Variants in FSCN1 observed in about 807,000 individuals in gnomAD.
FSCN1 encodes fascin.
A neutral mutation model predicts 39.7 loss-of-function variants in FSCN1; 10 were observed. That is an observed-to-expected ratio of 0.25 (90% CI 0.16 to 0.43). The LOEUF is 0.43. Among genes scored for constraint, FSCN1 ranks in the 20% least tolerant of loss-of-function variants. FSCN1 has a pLI of 1.00. For missense variants in FSCN1, 525 were observed against 723.8 expected (o/e 0.73, Z 3.15); for synonymous variants, 322 against 320.0 (o/e 1.01, Z -0.07).
Position 5,605,296 on chromosome 7 carries a change from T to G in FSCN1, c.1304T>G (p.Val435Gly). ...IKDSTGKYWTVGSDSAVTSSG... is the reference protein window; with the variant it reads ...IKDSTGKYWTGGSDSAVTSSG... ...GACTCCACAGGCAAATACTGGACGG[T>G]GGGCAGTGACTCCGCGGTCACCAGC... Residue 435 changes from valine to glycine, a missense_variant, in exon 5 of 5, where the codon GTG (valine) becomes GGG (glycine). By Grantham distance (109) the Val-to-Gly change is moderately radical. This residue lies in a region of FSCN1 where 275 missense variants were observed against 351.9 expected (regional missense o/e 0.78). Coordinates refer to ENST00000382361, the MANE Select transcript of FSCN1 (RefSeq NM_003088.4). This position sits in a 1 kb window ranked among gnomAD's most constrained non-coding sequence, Gnocchi z 6.9. The G allele has an allele frequency of 6.2e-7, 1 of 1,613,608 alleles. No individual in the cohort carries two copies. Among genetic ancestry groups the G allele is most frequent in the Non-Finnish European group, 8.5e-7 (1 of 1,179,632 alleles).
chr7:5,604,137 C>CA, intron 4 of FSCN1, 107 bp downstream of exon 4: 1 of 1,075,950 alleles, frequency 9.3e-7, no homozygotes. Flanking sequence ...TGGCTTGGCT[C>CA]AGGGCCATTC....
chr7:5,593,743 C>T lies in FSCN1; in HGVS notation c.807C>T (p.Asn269=), dbSNP rs1339205446. Residue 269 remains asparagine (N), a synonymous_variant, in exon 1 of 5, where the codon AAC becomes AAT. Coordinates refer to ENST00000382361, the MANE Select transcript of FSCN1 (RefSeq NM_003088.4). ...SCAQVVLQAA[N]ERNVSTRQGM... Reference sequence around the variant, plus strand: ...CCCAGGTCGTGCTGCAGGCGGCCAACGAGAGGAACGTGTCCACGCGCCAGG... The same window carrying T: ...CCCAGGTCGTGCTGCAGGCGGCCAATGAGAGGAACGTGTCCACGCGCCAGG... 1.0e-5 allele frequency: 16 copies of T among 1,587,772 alleles called. No homozygotes were observed. Among genetic ancestry groups the T allele is most frequent in the Non-Finnish European group, 1.4e-5 (16 of 1,173,942 alleles).
rs936286568 is a variant in FSCN1 at position 5,605,619 on chromosome 7, C to A, written c.*145C>A. Reference sequence around the variant, plus strand: ...GGAAACCCCAGAGAAAACGGTGCCCCCACCTGTCGCCCCTATGGACTCCCC... The same window carrying A: ...GGAAACCCCAGAGAAAACGGTGCCCACACCTGTCGCCCCTATGGACTCCCC... On this transcript the variant is annotated 3_prime_UTR_variant, in exon 5 of 5. Coordinates refer to ENST00000382361, the MANE Select transcript of FSCN1 (RefSeq NM_003088.4). The surrounding 1 kb of genome is among the most constrained non-coding windows in gnomAD (Gnocchi z 6.9). 7.8e-6 allele frequency: 5 copies of A among 640,698 alleles called. No homozygotes were observed. The African/African-American group carries it at 9.2e-5, about 12-fold the overall frequency. The allele number at this position is 640,698 out of a possible 1,614,324, so 39.7% of individuals were successfully genotyped here.
intron 1 of FSCN1, chr7:5,594,901 G>A (rs1213251632): frequency 6.6e-6 from 1 of 152,280 alleles, no homozygotes; most frequent in Non-Finnish European, 1.5e-5. Context: ...CTGCAGGCAC[G>A]GCTATTTGCG....
intron 4 of FSCN1, 38 bp downstream of exon 4, chr7:5,604,068 C>T: frequency 6.3e-7 from 1 of 1,599,236 alleles, no homozygotes; most frequent in East Asian, 2.2e-5. Flanking sequence ...GCAGGGAACC[C>T]CTCGGTCGGG....
intron 1 of FSCN1, among the ~76,000 whole-genome samples, chr7:5,600,601 C>CCT: frequency 6.6e-6 from 1 of 151,132 alleles, no homozygotes. Flanking sequence ...AAGCAATTCT[C>CCT]CTGCGTCAGC....
rs1424956755 is a variant in FSCN1, at chr7:5,593,186, G to A, written c.250G>A (p.Val84Met). The A allele has an allele frequency of 1.2e-6, 2 of 1,602,520 alleles. No individual in the cohort carries two copies. The highest frequency in any genetic ancestry group is 1.7e-6 in the Non-Finnish European group (2 of 1,175,972). The change falls in exon 1 of 5, where the codon GTG (valine) becomes ATG (methionine). Residue 84 changes from valine (V) to methionine (M), a missense_variant. Transcript: ENST00000382361. ...CGGCAACGTGACCTGCGAGCGCGAGGTGCCCGGTCCCGACTGCCGTTTCCT... is the reference window on the plus strand; with the variant it reads ...CGGCAACGTGACCTGCGAGCGCGAGATGCCCGGTCCCGACTGCCGTTTCCT... The part of the protein sequence containing the change: ...KDGNVTCERE[V>M]PGPDCRFLIV...
intron 1 of FSCN1, among the ~76,000 whole-genome samples, chr7:5,602,237 A>C (rs1394054428): frequency 6.7e-6 from 1 of 148,980 alleles, no homozygotes; most frequent in South Asian, 2.1e-4. Context: ...GGGTCTTGCT[A>C]AGTTGTCCAG....
rs1366797793 is a variant in FSCN1, at chr7:5,594,367, G to C, written c.832+599G>C. On this transcript the variant is annotated intron_variant, in intron 1 of 4. Transcript: ENST00000382361. ...CGGGGTCGGCCTCCGCTGGTGGGGG[G>C]GGGCGCGGGGTGTCAGCCCTTCCCC... 2.0e-5 allele frequency among the ~76,000 whole-genome samples: 3 copies of C among 152,030 alleles called. No homozygotes were observed. The East Asian group carries it at 5.8e-4, about 30-fold the overall frequency.
At position 5,599,534 on chromosome 7, in the gene FSCN1, G is replaced by A. The variant is rs1380077524; in HGVS notation, c.833-3723G>A. 3.3e-5 allele frequency among the ~76,000 whole-genome samples: 5 copies of A among 152,308 alleles called. No homozygotes were observed. The highest frequency in any genetic ancestry group is 9.6e-5 in the African/African-American group (4 of 41,564). On this transcript the variant is annotated intron_variant, in intron 1 of 4. Coordinates refer to ENST00000382361, the MANE Select transcript of FSCN1 (RefSeq NM_003088.4). The surrounding 1 kb of genome is among the most constrained non-coding windows in gnomAD (Gnocchi z 5.6). Reference sequence around the variant, plus strand: ...CAGGATGGAACAGGATGGGGAGGCCGGGCGTGGTGGCTTACCCCTGTAATC... The same window carrying A: ...CAGGATGGAACAGGATGGGGAGGCCAGGCGTGGTGGCTTACCCCTGTAATC...
At chr7:5,598,163 C>A (rs867090241) in intron 1 of FSCN1, among the ~76,000 whole-genome samples, 2 of 152,166 alleles carry the variant, frequency 1.3e-5, no homozygotes. Flanking sequence ...AGAGGCTGGG[C>A]CCTTTTGACA....
At chr7:5,593,895 C>G (rs1584297175) in intron 1 of FSCN1, 127 bp downstream of exon 1, 2 of 669,092 alleles carry the variant, frequency 3.0e-6, no homozygotes, top group Non-Finnish European at 4.8e-6. Context: ...CCCATTGCGC[C>G]CCCGCTAGGC....
At chr7:5,596,544 C>T (rs147128084) in intron 1 of FSCN1, among the ~76,000 whole-genome samples, 2 of 152,320 alleles carry the variant, frequency 1.3e-5, no homozygotes, top group African/African-American at 4.8e-5. Context: ...GGATCCACAC[C>T]TACCCTGGCC....
Position 5,603,073 on chromosome 7 carries a change from C to T in FSCN1, c.833-184C>T. ...AGATGTAGCTTGCCTTGGCCTCTGA[C>T]CGGCCCTGCCTGCGTTCCTGGGTGC... On this transcript the variant is annotated intron_variant, in intron 1 of 4. Coordinates refer to ENST00000382361, the MANE Select transcript of FSCN1 (RefSeq NM_003088.4). The surrounding 1 kb of genome is among the most constrained non-coding windows in gnomAD (Gnocchi z 8.5). 1.6e-6 allele frequency: 1 copy of T among 641,104 alleles called. No homozygotes were observed. Among genetic ancestry groups the T allele is most frequent in the East Asian group, 2.7e-5 (1 of 37,210 alleles). The allele number at this position is 641,104 out of a possible 1,614,324, so 39.7% of individuals were successfully genotyped here. A position where few individuals can be genotyped will look rare whatever the true frequency, so the allele number is the denominator to read the frequency against.
At chr7:5,600,746 C>T (rs1443993126) in intron 1 of FSCN1, among the ~76,000 whole-genome samples, 7 of 150,834 alleles carry the variant, frequency 4.6e-5, no homozygotes, top group African/African-American at 1.2e-4. Flanking sequence ...CTCCACCTCC[C>T]GGGTTCACGC....
rs533032410 is a variant in FSCN1 at position 5,603,179 on chromosome 7, C to T, written c.833-78C>T. The T allele has an allele frequency of 8.5e-6, 13 of 1,536,958 alleles. No individual in the cohort carries two copies. The Admixed American group carries it at 1.6e-4, about 18-fold the overall frequency. ...GTGGTGTTACCTTGCGTGTGTAGTTCTGTGAGCTCAGGGCTATGGTCTGCC... is the reference window on the plus strand; with the variant it reads ...GTGGTGTTACCTTGCGTGTGTAGTTTTGTGAGCTCAGGGCTATGGTCTGCC... On this transcript the variant is annotated intron_variant, in intron 1 of 4. Coordinates refer to ENST00000382361, the MANE Select transcript of FSCN1 (RefSeq NM_003088.4). This position sits in a 1 kb window ranked among gnomAD's most constrained non-coding sequence, Gnocchi z 8.5.
chr7:5,600,500 G>A (rs1178717975), intron 1 of FSCN1, among the ~76,000 whole-genome samples: 2 of 152,046 alleles, frequency 1.3e-5, no homozygotes. Context: ...AGATCCCTGG[G>A]GTCCTATTCT....
Position 5,599,793 on chromosome 7 carries a change from C to A in FSCN1, c.833-3464C>A, listed in dbSNP as rs1157781652. On this transcript the variant is annotated intron_variant, in intron 1 of 4. Coordinates refer to ENST00000382361, the MANE Select transcript of FSCN1 (RefSeq NM_003088.4). The surrounding 1 kb of genome is among the most constrained non-coding windows in gnomAD (Gnocchi z 5.6). The stretch of plus-strand genomic sequence containing the variant: ...TTGCACTCCAGCCTGGGCAACAGAG[C>A]AAGACCCTATCTCTAAAAAAAAAAT... 6.6e-6 allele frequency among the ~76,000 whole-genome samples: 1 copy of A among 151,874 alleles called. No individual in the cohort carries two copies. Among genetic ancestry groups the A allele is most frequent in the East Asian group, 1.9e-4 (1 of 5,160 alleles).
Position 5,603,235 on chromosome 7 carries a change from G to GC in FSCN1, c.833-19dup. ...TAGGGGGCGTGGGGCCCCAGTACCA[G>GC]CCCAAGGCCTCCTCTCTGCAGGTAT... On this transcript the variant is annotated intron_variant, in intron 1 of 4. Coordinates refer to ENST00000382361, the MANE Select transcript of FSCN1 (RefSeq NM_003088.4). The surrounding 1 kb of genome is among the most constrained non-coding windows in gnomAD (Gnocchi z 8.5). 6.2e-7 allele frequency: 1 copy of GC among 1,611,062 alleles called. No individual in the cohort carries two copies.
Sources: allele counts gnomAD v4.1 joint callset (sites outside exome capture counted in the v4.1 genomes callset), GRCh38; gene constraint gnomAD v4.1.1; regional missense constraint gnomAD v4.1.1; non-coding constraint Gnocchi (gnomAD v3.1); transcripts MANE v1.5; gene names NCBI Gene and HGNC (gene_info 2026-07-23, HGNC 2026-07-21).